The following XIRP2 variants were observed in gnomAD, a reference collection of about 807,000 sequenced individuals.
The protein encoded by XIRP2 is xin actin binding repeat containing 2, also known as xin actin-binding repeat-containing protein 2.
A neutral mutation model predicts 277.0 loss-of-function variants in XIRP2; 236 were observed. The ratio of observed to expected loss-of-function variants is 0.85; its 90% CI spans 0.77 to 0.95. The LOEUF (loss-of-function observed/expected upper bound fraction) is 0.95, where lower values mean the gene tolerates loss of function less well. XIRP2 is among the 40% of genes least tolerant of loss of function. The pLI, the probability that XIRP2 is intolerant of heterozygous loss-of-function variation, is 0.00. For missense variants in XIRP2, 4,640 were observed against 4,157.5 expected (o/e 1.12, Z -3.19); for synonymous variants, 1,490 against 1,416.5 (o/e 1.05, Z -1.17).
At chr2:166,960,676 C>G (rs913853319) in intron 2 of XIRP2, among the ~76,000 whole-genome samples, 1 of 151,748 alleles carries the variant, frequency 6.6e-6, no homozygotes, top group Admixed American at 6.6e-5. Context: ...AGGTTGTTCA[C>G]AGCTATAAGC....
intron 1 of XIRP2, among the ~76,000 whole-genome samples, chr2:166,890,573 G>C (rs4667527): frequency 0.25 from 37,867 of 151,974 alleles, 4,867 homozygotes; most frequent in Admixed American, 0.29. Context: ...AACTCTAAAA[G>C]TTTGTTTTTA....
At chr2:166,895,001 G>A (rs370307818) in intron 1 of XIRP2, among the ~76,000 whole-genome samples, 18 of 152,186 alleles carry the variant, frequency 1.2e-4, no homozygotes, top group African/African-American at 3.1e-4. Context: ...GAGTACTTAC[G>A]CAGAGGGACA....
chr2:166,905,705 CAA>C (rs1684499490), intron 2 of XIRP2, among the ~76,000 whole-genome samples: 1 of 151,300 alleles, frequency 6.6e-6, no homozygotes, highest in Admixed American at 6.6e-5. Flanking sequence ...AATCAGTTCA[CAA>C]AAAAAGTGTT....
At chr2:167,222,072 T>C (rs1215404140) in intron 5 of XIRP2, among the ~76,000 whole-genome samples, 1 of 152,210 alleles carries the variant, frequency 6.6e-6, no homozygotes, top group Non-Finnish European at 1.5e-5. Flanking sequence ...TTTTGATAAT[T>C]AATCTATCTC....
intron 2 of XIRP2, among the ~76,000 whole-genome samples, chr2:167,064,827 A>C (rs553944298): frequency 3.6e-4 from 54 of 151,990 alleles, no homozygotes; most frequent in Admixed American, 2.6e-3. Context: ...GTAGCATGTC[A>C]GAAGTTTTTC....
At chr2:167,198,944 G>A (rs1693601152) in intron 3 of XIRP2, among the ~76,000 whole-genome samples, 1 of 152,130 alleles carries the variant, frequency 6.6e-6, no homozygotes, top group African/African-American at 2.4e-5. Context: ...ACAAAGACTT[G>A]AGATCATTGA....
chr2:167,122,066 C>T (rs1226692419), intron 2 of XIRP2, among the ~76,000 whole-genome samples: 2 of 152,066 alleles, frequency 1.3e-5, no homozygotes, highest in African/African-American at 4.8e-5. Flanking sequence ...TAGCAAATAC[C>T]AAAATAATCA....
At chr2:166,890,331 G>A (rs548114900) in intron 1 of XIRP2, among the ~76,000 whole-genome samples, 7 of 151,884 alleles carry the variant, frequency 4.6e-5, no homozygotes, top group African/African-American at 1.7e-4. Context: ...CATAGGCTTC[G>A]GGCATCAGAA....
intron 2 of XIRP2, among the ~76,000 whole-genome samples, chr2:166,984,327 T>C (rs1686946680): frequency 6.6e-6 from 1 of 152,180 alleles, no homozygotes; most frequent in African/African-American, 2.4e-5. Flanking sequence ...AATGTTTCCT[T>C]TGAAGAAGAC....
intron 2 of XIRP2, among the ~76,000 whole-genome samples, chr2:167,078,748 A>C (rs1471884084): frequency 6.6e-6 from 1 of 151,776 alleles, no homozygotes; most frequent in African/African-American, 2.4e-5. Flanking sequence ...GAGGCAGGAG[A>C]ATGGCATGAA....
At chr2:167,094,956 A>G (rs1690256792) in intron 2 of XIRP2, among the ~76,000 whole-genome samples, 1 of 152,152 alleles carries the variant, frequency 6.6e-6, no homozygotes, top group Non-Finnish European at 1.5e-5. Flanking sequence ...TGACTATGGA[A>G]TGTTTTTCCA....
At chr2:167,207,183 TATC>T (rs1693882817) in intron 3 of XIRP2, among the ~76,000 whole-genome samples, 1 of 152,186 alleles carries the variant, frequency 6.6e-6, no homozygotes, top group South Asian at 2.1e-4. Flanking sequence ...TGTAAGAACA[TATC>T]ATTTTTATAA....
chr2:167,204,368 T>C (rs928736558), intron 3 of XIRP2, among the ~76,000 whole-genome samples: 1 of 152,176 alleles, frequency 6.6e-6, no homozygotes, highest in African/African-American at 2.4e-5. Context: ...GGCTTTTCCT[T>C]CATTTATTTA....
At chr2:167,071,423 G>A (rs1574224872) in intron 2 of XIRP2, among the ~76,000 whole-genome samples, 1 of 152,126 alleles carries the variant, frequency 6.6e-6, no homozygotes, top group East Asian at 1.9e-4. Context: ...ATACTATTAT[G>A]GTTCCGACAC....
chr2:167,069,694 C>T (rs1689391543), intron 2 of XIRP2, among the ~76,000 whole-genome samples: 1 of 152,142 alleles, frequency 6.6e-6, no homozygotes, highest in East Asian at 1.9e-4. Context: ...TAAGCTTTAA[C>T]CTAGATTCTG....
intron 2 of XIRP2, among the ~76,000 whole-genome samples, chr2:167,089,745 CCAGT>C (rs1246399057): frequency 1.3e-5 from 2 of 152,088 alleles, no homozygotes; most frequent in South Asian, 2.1e-4. Flanking sequence ...TTTTGACTTA[CCAGT>C]CAGAGTTAGC....
At chr2:167,060,198 G>A (rs560790054) in intron 2 of XIRP2, among the ~76,000 whole-genome samples, 3 of 151,904 alleles carry the variant, frequency 2.0e-5, no homozygotes, top group Middle Eastern at 3.4e-3. Flanking sequence ...TGATAACGGG[G>A]GAAAAAAAGG....
chr2:167,192,694 C>T (rs934602778), intron 3 of XIRP2, among the ~76,000 whole-genome samples: 3 of 152,138 alleles, frequency 2.0e-5, no homozygotes, highest in South Asian at 2.1e-4. Context: ...TCTGCTTCTG[C>T]GGCATCCAGA....
intron 2 of XIRP2, among the ~76,000 whole-genome samples, chr2:166,975,397 CA>C (rs908051859): frequency 6.6e-6 from 1 of 151,978 alleles, no homozygotes; most frequent in Admixed American, 6.6e-5. Context: ...TATAGTGGGT[CA>C]TAATATAAAT....
Sources: allele counts gnomAD v4.1 joint callset (sites outside exome capture counted in the v4.1 genomes callset), GRCh38; gene constraint gnomAD v4.1.1; transcripts MANE v1.5; gene names NCBI Gene and HGNC (gene_info 2026-07-23, HGNC 2026-07-21).